Variants in LONRF1 observed in about 807,000 individuals in gnomAD.
The protein encoded by LONRF1 is LON peptidase N-terminal domain and RING finger protein 1.
A neutral mutation model predicts 85.8 loss-of-function variants in LONRF1; 37 were observed. That is an observed-to-expected ratio of 0.43 (90% CI 0.33 to 0.57). The LOEUF is 0.57. Among genes scored for constraint, LONRF1 ranks in the 20% least tolerant of loss-of-function variants. The pLI is 0.04. For synonymous variants in LONRF1, 517 were observed against 390.1 expected, an observed-to-expected ratio of 1.33 and a Z score of -3.83; for missense variants, 1,036 against 978.0, an observed-to-expected ratio of 1.06 and a Z score of -0.79.
At chr8:12,752,680 C>T (rs1799456354) in intron 1 of LONRF1, among the ~76,000 whole-genome samples, 1 of 152,118 alleles carries the variant, frequency 6.6e-6, no homozygotes, top group African/African-American at 2.4e-5. Flanking sequence ...ATCCAAGAAC[C>T]AGAATCTCTG....
chr8:12,752,542 G>C (rs1799449914), intron 1 of LONRF1, among the ~76,000 whole-genome samples: 1 of 152,102 alleles, frequency 6.6e-6, no homozygotes, highest in African/African-American at 2.4e-5. Context: ...AGAAGACTTG[G>C]GTTCTATTCC....
chr8:12,739,667 T>C (rs905523122), intron 3 of LONRF1, among the ~76,000 whole-genome samples: 1 of 152,156 alleles, frequency 6.6e-6, no homozygotes, highest in African/African-American at 2.4e-5. Context: ...AAACAAAATA[T>C]TCTAAAGCAT....
At position 12,735,275 on chromosome 8, in the gene LONRF1, C is replaced by G. The variant is rs559937045; in HGVS notation, c.1566+11G>C. On this transcript the variant is annotated intron_variant, in intron 7 of 11. Transcript: ENST00000398246. Reference sequence around the variant, plus strand: ...TAAGACCAACAAACAGACACATATACAAATATTTACCTCTTTTAAGCTTTC... The same window carrying G: ...TAAGACCAACAAACAGACACATATAGAAATATTTACCTCTTTTAAGCTTTC... 1.8e-5 allele frequency: 28 copies of G among 1,560,310 alleles called. No homozygotes were observed. The Admixed American group carries it at 2.6e-4, about 14-fold the overall frequency.
In LONRF1 at chr8:12,754,737, C is replaced by A; in HGVS notation, c.684G>T (p.Arg228=). The stretch of plus-strand genomic sequence containing the variant: ...CCTCGCAGGCGGCGGCCAGGGCCTC[C>A]CGGTAGCGCCCCTGGTGCAGTAGCT... ...LGELLHQGRY[R]EALAAACEAL... The change falls in exon 1 of 12, where the codon CGG becomes CGT. Residue 228 remains arginine, a synonymous_variant. Transcript: ENST00000398246. 1 of 1,426,990 alleles carries A rather than the reference C, an allele frequency of 7.0e-7. No homozygotes were observed. Among genetic ancestry groups the A allele is most frequent in the Non-Finnish European group, 9.1e-7 (1 of 1,099,412 alleles). 88.4% of individuals were successfully genotyped at this position (1,426,990 alleles called of 1,614,324 possible). A position where few individuals can be genotyped will look rare whatever the true frequency, so the allele number is the denominator to read the frequency against.
At chr8:12,739,900 C>T (rs372330194) in intron 3 of LONRF1, among the ~76,000 whole-genome samples, 3 of 152,136 alleles carry the variant, frequency 2.0e-5, no homozygotes, top group Non-Finnish European at 2.9e-5. Context: ...TACAAACAAA[C>T]CTCATAGAGG....
chr8:12,751,608 C>A (rs4831795), intron 1 of LONRF1, among the ~76,000 whole-genome samples: 1 of 151,428 alleles, frequency 6.6e-6, no homozygotes, highest in South Asian at 2.1e-4. Context: ...CCTGGTCAAG[C>A]ATTACAGAAT....
At position 12,725,779 on chromosome 8, in the gene LONRF1, C is replaced by T. The variant is rs745802819; in HGVS notation, c.2111G>A (p.Ser704Asn). The change falls in exon 11 of 12, where the codon AGC becomes AAC. Residue 704 changes from serine to asparagine, a missense_variant. By Grantham distance (46) the Ser-to-Asn change is conservative (BLOSUM62 1). This residue lies in a region of LONRF1 where 265 missense variants were observed against 301.5 expected (regional missense o/e 0.88). Transcript: ENST00000398246. ...WFQNLRDRFR[S>N]QILQHFGSMP... ...TGATCCGAAATGCTGAAGAATTTGG[C>T]TTCGAAATCTGTCTCTTAAATTCTG... 8.1e-6 allele frequency: 13 copies of T among 1,613,638 alleles called. No individual in the cohort carries two copies. Among genetic ancestry groups the T allele is most frequent in the Non-Finnish European group, 1.1e-5 (13 of 1,179,714 alleles).
At chr8:12,735,231 T>TA in intron 7 of LONRF1, 55 bp downstream of exon 7, 1 of 1,175,056 alleles carries the variant, frequency 8.5e-7, no homozygotes, top group Admixed American at 2.0e-5. Flanking sequence ...GAACAGAAAT[T>TA]AAACCATGCT....
At chr8:12,743,337 C>T (rs1368077216) in intron 1 of LONRF1, 55 bp from the exon 2 acceptor site, 3 of 1,062,436 alleles carry the variant, frequency 2.8e-6, no homozygotes, top group East Asian at 2.6e-5. Flanking sequence ...ATTACATAAT[C>T]TACAAAATAT....
At position 12,737,106 on chromosome 8, in the gene LONRF1, A is replaced by G. The variant is rs1216686638; in HGVS notation, c.1148T>C (p.Val383Ala). 1 of 1,613,522 alleles carries G rather than the reference A, an allele frequency of 6.2e-7. No homozygotes were observed. Among genetic ancestry groups the G allele is most frequent in the East Asian group, 2.2e-5 (1 of 44,862 alleles). Residue 383 changes from valine (V) to alanine (A), a missense_variant, in exon 5 of 12, where the codon GTC becomes GCC. Physicochemically the swap from Val to Ala is moderately conservative, Grantham distance 64 (BLOSUM62 0). This residue lies in a region of LONRF1 where 742 missense variants were observed against 614.4 expected (regional missense o/e 1.21). Transcript: ENST00000398246. ...CTGAGCACGGTTTAAGCTTCCTTTGACAGGCTCTGAAGTGACCTCTGGTAT... is the reference window on the plus strand; with the variant it reads ...CTGAGCACGGTTTAAGCTTCCTTTGGCAGGCTCTGAAGTGACCTCTGGTAT... ...EEIPEVTSEP[V>A]KGSLNRAQSA...
intron 3 of LONRF1, among the ~76,000 whole-genome samples, chr8:12,738,384 G>A (rs1460231787): frequency 6.6e-6 from 1 of 152,128 alleles, no homozygotes; most frequent in East Asian, 1.9e-4. Flanking sequence ...AAGCATGGGA[G>A]TAGTAAGACT....
chr8:12,745,343 A>C (rs1387570802), intron 1 of LONRF1, among the ~76,000 whole-genome samples: 1 of 141,360 alleles, frequency 7.1e-6, no homozygotes, highest in Non-Finnish European at 1.5e-5. Context: ...AAAAAAAAAA[A>C]AACCAACCCC....
chr8:12,737,973 A>G, intron 4 of LONRF1, 22 bp downstream of exon 4: 8 of 1,588,828 alleles, frequency 5.0e-6, no homozygotes, highest in Non-Finnish European at 6.8e-6. Flanking sequence ...TAAACTCATG[A>G]TAACCTTGTC....
intron 3 of LONRF1, among the ~76,000 whole-genome samples, chr8:12,740,097 CAT>C (rs564853625): frequency 1.2e-4 from 19 of 152,258 alleles, no homozygotes; most frequent in Non-Finnish European, 2.5e-4. Context: ...ATGATCCCCA[CAT>C]GATTCTGACA....
At chr8:12,746,219 T>C (rs1449474502) in intron 1 of LONRF1, among the ~76,000 whole-genome samples, 1 of 152,182 alleles carries the variant, frequency 6.6e-6, no homozygotes, top group Non-Finnish European at 1.5e-5. Context: ...AGTTCTACTC[T>C]ACCTATATCC....
intron 1 of LONRF1, among the ~76,000 whole-genome samples, chr8:12,747,177 G>T (rs1009819243): frequency 2.0e-5 from 3 of 152,090 alleles, no homozygotes; most frequent in African/African-American, 7.2e-5. Flanking sequence ...AAGTCATTCA[G>T]CAAGGAAAAA....
chr8:12,723,375 ATG>A, intron 11 of LONRF1, 121 bp from the exon 12 acceptor site: 2 of 847,654 alleles, frequency 2.4e-6, no homozygotes, highest in Non-Finnish European at 3.6e-6. Context: ...GCTATCTCCA[ATG>A]TCCTTAACAA....
chr8:12,747,821 T>C (rs1799225392), intron 1 of LONRF1, among the ~76,000 whole-genome samples: 1 of 152,168 alleles, frequency 6.6e-6, no homozygotes. Flanking sequence ...AGTTTGATTA[T>C]GTGGCACTCA....
At chr8:12,752,706 T>C (rs1054838530) in intron 1 of LONRF1, among the ~76,000 whole-genome samples, 2 of 152,214 alleles carry the variant, frequency 1.3e-5, no homozygotes, top group Non-Finnish European at 2.9e-5. Flanking sequence ...TAAAATATTA[T>C]TGGTCACAGA....
Sources: allele counts gnomAD v4.1 joint callset (sites outside exome capture counted in the v4.1 genomes callset), GRCh38; gene constraint gnomAD v4.1.1; regional missense constraint gnomAD v4.1.1; transcripts MANE v1.5; gene names NCBI Gene and HGNC (gene_info 2026-07-23, HGNC 2026-07-21).